The following DSCAM variants were observed in gnomAD, a reference collection of about 807,000 sequenced individuals.
DSCAM encodes the protein DS cell adhesion molecule.
DSCAM carries 47 observed loss-of-function variants against 217.7 expected under a neutral mutation model. That is an observed-to-expected ratio of 0.22 (90% CI 0.17 to 0.28). The LOEUF is 0.28. Ranked by LOEUF, DSCAM falls within the 10% of genes least tolerant of loss-of-function variation. The pLI, the probability that DSCAM is intolerant of heterozygous loss-of-function variation, is 1.00. For missense variants in DSCAM, 2,080 were observed against 2,618.3 expected (o/e 0.79, Z 4.49); for synonymous variants, 1,056 against 1,015.3 (o/e 1.04, Z -0.76).
chr21:40,401,397 A>ATT (rs112983603), intron 3 of DSCAM, among the ~76,000 whole-genome samples: 2,698 of 151,596 alleles, frequency 0.018, 32 homozygotes, highest in South Asian at 0.036. Context: ...ATAAAATTGG[A>ATT]TTTTTTTTTC....
chr21:40,054,801 TG>T (rs769598939), intron 29 of DSCAM, among the ~76,000 whole-genome samples: 2 of 152,132 alleles, frequency 1.3e-5, no homozygotes, highest in Non-Finnish European at 2.9e-5. Context: ...TGTGGCCAGG[TG>T]GGGAACCTGG....
At chr21:40,017,633 ACCT>A (rs1051129042) in intron 32 of DSCAM, among the ~76,000 whole-genome samples, 4 of 150,530 alleles carry the variant, frequency 2.7e-5, no homozygotes, top group African/African-American at 9.9e-5. Context: ...GTTCGCCACA[ACCT>A]CCACCTCCCG....
intron 11 of DSCAM, among the ~76,000 whole-genome samples, chr21:40,245,523 C>G (rs1412806662): frequency 6.6e-6 from 1 of 152,164 alleles, no homozygotes; most frequent in Non-Finnish European, 1.5e-5. Flanking sequence ...TGCACCTCTC[C>G]CTGAAGGGAG....
chr21:40,626,677 T>C (rs2089605769), intron 3 of DSCAM, among the ~76,000 whole-genome samples: 1 of 152,194 alleles, frequency 6.6e-6, no homozygotes, highest in Non-Finnish European at 1.5e-5. Context: ...TCCCATTCTA[T>C]TGTACATAGA....
At chr21:40,330,278 TTTA>T (rs944509235) in intron 8 of DSCAM, among the ~76,000 whole-genome samples, 228 of 147,584 alleles carry the variant, frequency 1.5e-3, no homozygotes, top group Non-Finnish European at 2.0e-3. Flanking sequence ...TCAAAATATA[TTTA>T]TTATATTATA....
chr21:40,205,460 G>C (rs2091114079), intron 11 of DSCAM, among the ~76,000 whole-genome samples: 1 of 152,070 alleles, frequency 6.6e-6, no homozygotes, highest in African/African-American at 2.4e-5. Flanking sequence ...AAAATTAACT[G>C]GGCATGGTGA....
At chr21:40,493,885 TAC>T (rs201151253) in intron 3 of DSCAM, among the ~76,000 whole-genome samples, 2,837 of 135,178 alleles carry the variant, frequency 0.021, 95 homozygotes, top group African/African-American at 0.064. Flanking sequence ...AAAAAATATA[TAC>T]ATATATATAC....
At chr21:40,700,379 G>T (rs766699253) in intron 2 of DSCAM, among the ~76,000 whole-genome samples, 3 of 152,164 alleles carry the variant, frequency 2.0e-5, no homozygotes, top group Non-Finnish European at 2.9e-5. Flanking sequence ...TCTACTGATG[G>T]TTTTCTGAGA....
At chr21:40,430,078 G>C (rs984375358) in intron 3 of DSCAM, among the ~76,000 whole-genome samples, 1 of 152,094 alleles carries the variant, frequency 6.6e-6, no homozygotes, top group Non-Finnish European at 1.5e-5. Flanking sequence ...CACATAGAGG[G>C]GGCTGGTCGC....
intron 3 of DSCAM, among the ~76,000 whole-genome samples, chr21:40,490,872 C>T (rs2076071118): frequency 6.6e-6 from 1 of 152,178 alleles, no homozygotes; most frequent in African/African-American, 2.4e-5. Flanking sequence ...AAAAATCATT[C>T]TTCAACTTTC....
chr21:40,207,568 A>G (rs2091139886), intron 11 of DSCAM, among the ~76,000 whole-genome samples: 1 of 152,226 alleles, frequency 6.6e-6, no homozygotes, highest in African/African-American at 2.4e-5. Context: ...TGATTATAGG[A>G]GCCTTTAGGC....
intron 3 of DSCAM, among the ~76,000 whole-genome samples, chr21:40,581,832 A>G (rs1186421370): frequency 6.6e-6 from 1 of 152,202 alleles, no homozygotes; most frequent in Non-Finnish European, 1.5e-5. Context: ...ACATTTTCAT[A>G]TAGAAGAATT....
intron 3 of DSCAM, among the ~76,000 whole-genome samples, chr21:40,393,958 A>G (rs1379268124): frequency 1.3e-5 from 2 of 152,232 alleles, no homozygotes; most frequent in Non-Finnish European, 2.9e-5. Context: ...CACCATTATA[A>G]TTAAAATAAG....
At position 40,072,350 on chromosome 21, in the gene DSCAM, C is replaced by CT. The variant is rs3069680; in HGVS notation, c.4888+2686dup. ...ATCCTGACCGCCCTCCTGTCAGATT[C>CT]TTTTTTTTTTTTTTGAGACAGAGTC... is the stretch of plus-strand genomic sequence containing the variant. On this transcript the variant is annotated intron_variant, in intron 27 of 32. Coordinates refer to ENST00000400454, the MANE Select transcript of DSCAM (RefSeq NM_001389.5). Among the ~76,000 whole-genome samples, 1,369 of 141,380 alleles carry CT rather than the reference C, an allele frequency of 9.7e-3. 4 individuals are homozygous for CT. Among genetic ancestry groups the CT allele is most frequent in the Non-Finnish European group, 0.013 (840 of 65,132 alleles). The allele number at this position is 141,380 out of a possible 152,430, so 92.8% of individuals were successfully genotyped here. A position where few individuals can be genotyped will look rare whatever the true frequency, so the allele number is the denominator to read the frequency against.
chr21:40,509,386 T>C (rs1601701888), intron 3 of DSCAM, among the ~76,000 whole-genome samples: 2 of 152,362 alleles, frequency 1.3e-5, no homozygotes, highest in African/African-American at 4.8e-5. Context: ...CCTTTTCTTT[T>C]ACACTGGAGA....
intron 3 of DSCAM, among the ~76,000 whole-genome samples, chr21:40,414,572 T>C (rs971991212): frequency 6.6e-6 from 1 of 152,216 alleles, no homozygotes; most frequent in African/African-American, 2.4e-5. Flanking sequence ...ATTTTGATAT[T>C]GCTTAGTCCC....
chr21:40,040,449 A>C (rs1157173888), intron 32 of DSCAM, among the ~76,000 whole-genome samples: 2 of 152,220 alleles, frequency 1.3e-5, no homozygotes, highest in Non-Finnish European at 2.9e-5. Flanking sequence ...CTAGAAGCTC[A>C]TTCTGTGCCC....
intron 3 of DSCAM, among the ~76,000 whole-genome samples, chr21:40,454,829 G>A (rs932132203): frequency 4.6e-5 from 7 of 152,184 alleles, no homozygotes; most frequent in African/African-American, 1.2e-4. Flanking sequence ...CTCCTTTCGA[G>A]TGTGTGGCAC....
Position 40,453,038 on chromosome 21 carries a change from CTTTG to C in DSCAM, c.509-83797_509-83794del, listed in dbSNP as rs1460891736. On this transcript the variant is annotated intron_variant, in intron 3 of 32. Transcript: ENST00000400454. Reference sequence around the variant, plus strand: ...CTCTCTGGTTCCTGAATTTTAAAGACTTTGTGTGTGTGTGTGTGTGTGTGTGTGT... The same window carrying C: ...CTCTCTGGTTCCTGAATTTTAAAGACTGTGTGTGTGTGTGTGTGTGTGTGT... Among the ~76,000 whole-genome samples the C allele has an allele frequency of 1.5e-3, 146 of 96,268 alleles. 4 individuals are homozygous for C. In the South Asian group the frequency reaches 0.047, roughly 31 times the overall value. 63.2% of individuals were successfully genotyped at this position (96,268 alleles called of 152,430 possible).
Sources: gnomAD v4.1 joint callset for allele counts (sites outside exome capture counted in the v4.1 genomes callset) on GRCh38, gnomAD v4.1.1 for gene constraint, MANE v1.5 for transcripts, NCBI Gene and HGNC (gene_info 2026-07-23, HGNC 2026-07-21) for gene names.